Variants in PHF12 observed in about 807,000 individuals in gnomAD.
The protein encoded by PHF12 is PHD finger protein 12, also known as PHD factor 1.
PHF12 carries 6 observed loss-of-function variants against 99.8 expected under a neutral mutation model. That is an observed-to-expected ratio of 0.06 (90% CI 0.03 to 0.12). PHF12 has a LOEUF of 0.12. Ranked by LOEUF, PHF12 falls within the 10% of genes least tolerant of loss-of-function variation. PHF12 has a pLI of 1.00. For synonymous variants in PHF12, 480 were observed against 514.9 expected (o/e 0.93, Z 0.92); for missense variants, 954 against 1,300.1 (o/e 0.73, Z 4.09).
At chr17:28,923,651 C>CAAAAAAA (rs1491183033) in intron 4 of PHF12, among the ~76,000 whole-genome samples, 15 of 21,964 alleles carry the variant, frequency 6.8e-4, no homozygotes, top group African/African-American at 1.4e-3. Context: ...AAGTGAGACT[C>CAAAAAAA]ACAAAAAAAA....
chr17:28,943,988 T>C (rs1315783549), intron 2 of PHF12, among the ~76,000 whole-genome samples: 3 of 152,228 alleles, frequency 2.0e-5, no homozygotes, highest in African/African-American at 4.8e-5. Flanking sequence ...TTAGACAATT[T>C]ATTGAACATT....
chr17:28,914,043 C>G lies in PHF12; in HGVS notation c.1135-6G>C. ...GATTTTATAGCATCAGGAACCTGTT[C>G]AGGATAGATAGAAGGAGGAAGGAGA... On this transcript the variant is annotated splice_region_variant and splice_polypyrimidine_tract_variant and intron_variant, in intron 7 of 14. Coordinates refer to ENST00000332830, the MANE Select transcript of PHF12 (RefSeq NM_001033561.2). The G allele has an allele frequency of 1.3e-6, 2 of 1,595,678 alleles. No homozygotes were observed. Among genetic ancestry groups the G allele is most frequent in the Admixed American group, 3.4e-5 (2 of 59,566 alleles).
intron 2 of PHF12, among the ~76,000 whole-genome samples, chr17:28,946,907 T>C (rs891486044): frequency 1.3e-5 from 2 of 152,102 alleles, no homozygotes; most frequent in African/African-American, 4.8e-5. Context: ...AATAATTCAG[T>C]CTTAGCCAGT....
At chr17:28,942,722 A>G (rs1334591568) in intron 2 of PHF12, among the ~76,000 whole-genome samples, 1 of 152,124 alleles carries the variant, frequency 6.6e-6, no homozygotes, top group East Asian at 1.9e-4. Flanking sequence ...AGGCTGAGGC[A>G]GGAGAACCAC....
chr17:28,925,571 G>A (rs971401257), intron 3 of PHF12: 49 of 152,226 alleles, frequency 3.2e-4, no homozygotes, highest in African/African-American at 1.2e-3. Flanking sequence ...GAAGTGCCAT[G>A]TTAGAAAAGG....
chr17:28,949,771 C>T lies in PHF12; in HGVS notation c.248+294G>A, dbSNP rs1287840903. ...CCTCCCCTTCCTCCCCCGCCACTGC[C>T]GGCTGTCCCCGGCCGGCTCTGTCCC... On this transcript the variant is annotated intron_variant, in intron 2 of 14. Coordinates refer to ENST00000332830, the MANE Select transcript of PHF12 (RefSeq NM_001033561.2). This position sits in a 1 kb window ranked among gnomAD's most constrained non-coding sequence, Gnocchi z 4.6. 1.7e-5 allele frequency: 5 copies of T among 291,304 alleles called. No homozygotes were observed. The highest frequency in any genetic ancestry group is 2.5e-5 in the Non-Finnish European group (4 of 157,516). The allele number at this position is 291,304 out of a possible 1,614,324, so 18.0% of individuals were successfully genotyped here. A position where few individuals can be genotyped will look rare whatever the true frequency, so the allele number is the denominator to read the frequency against.
intron 11 of PHF12, 48 bp from the exon 12 acceptor site, chr17:28,908,929 T>A (rs780338513): frequency 6.5e-7 from 1 of 1,548,864 alleles, no homozygotes; most frequent in Non-Finnish European, 8.8e-7. Context: ...TCAGATCCTG[T>A]GATCCAAACA....
At chr17:28,948,283 A>G (rs1292467809) in intron 2 of PHF12, among the ~76,000 whole-genome samples, 2 of 152,016 alleles carry the variant, frequency 1.3e-5, no homozygotes, top group Non-Finnish European at 2.9e-5. Context: ...CATACCAAAC[A>G]AACACACTAA....
rs567133028 is a variant in PHF12, at chr17:28,922,809, A to C, written c.716-1001T>G. Among the ~76,000 whole-genome samples, 4 of 152,324 alleles carry C rather than the reference A, an allele frequency of 2.6e-5. No individual in the cohort carries two copies. In the South Asian group the frequency reaches 8.3e-4, roughly 32 times the overall value. ...TAAAAAAAGCAAGAAGGCCAGGCGC[A>C]GTGGCTCATGCCTATAATCCCAGCA... On this transcript the variant is annotated intron_variant, in intron 4 of 14. Coordinates refer to ENST00000332830, the MANE Select transcript of PHF12 (RefSeq NM_001033561.2).
chr17:28,916,282 C>T (rs541530834), intron 7 of PHF12, among the ~76,000 whole-genome samples: 2 of 152,268 alleles, frequency 1.3e-5, no homozygotes, highest in East Asian at 1.9e-4. Flanking sequence ...GCAACCTCCA[C>T]CTCCCAGGTT....
chr17:28,925,798 T>A lies in PHF12; in HGVS notation c.321+1193A>T, dbSNP rs374270643. 5 of 152,376 alleles carry A rather than the reference T, an allele frequency of 3.3e-5. 1 individual carries two copies. The highest frequency in any genetic ancestry group is 3.9e-4 in the East Asian group (2 of 5,192). The allele number at this position is 152,376 out of a possible 1,614,324, so 9.4% of individuals were successfully genotyped here. On this transcript the variant is annotated intron_variant, in intron 3 of 14. Coordinates refer to ENST00000332830, the MANE Select transcript of PHF12 (RefSeq NM_001033561.2). ...ATCCATCTATGGCTGGATGGATAGA[T>A]AATGGGATAACGTAATTAAAACACC...
At chr17:28,908,926 C>T (rs1255164800) in intron 11 of PHF12, 45 bp from the exon 12 acceptor site, 1 of 1,556,986 alleles carries the variant, frequency 6.4e-7, no homozygotes, top group South Asian at 1.1e-5. Flanking sequence ...AACTCAGATC[C>T]TGTGATCCAA....
chr17:28,926,491 C>T, intron 3 of PHF12: 1 of 261,544 alleles, frequency 3.8e-6, no homozygotes, highest in Non-Finnish European at 7.7e-6. Flanking sequence ...AAATAATAAA[C>T]CATGTTCTTG....
chr17:28,915,378 T>C (rs1389496340), intron 7 of PHF12, among the ~76,000 whole-genome samples: 2 of 151,758 alleles, frequency 1.3e-5, no homozygotes, highest in East Asian at 3.9e-4. Flanking sequence ...CAATAGGAGA[T>C]ACAGGAGGAA....
chr17:28,926,967 G>A, intron 3 of PHF12, 24 bp downstream of exon 3: 4 of 1,612,196 alleles, frequency 2.5e-6, no homozygotes, highest in Non-Finnish European at 2.5e-6. Context: ...TTTCTGGACA[G>A]TCTTCAGAAA....
chr17:28,928,969 G>A (rs1376165538), intron 2 of PHF12, among the ~76,000 whole-genome samples: 3 of 151,018 alleles, frequency 2.0e-5, no homozygotes, highest in Non-Finnish European at 3.0e-5. Context: ...AGTGGCACGC[G>A]CCTGTAGTCC....
chr17:28,917,186 G>A (rs2040076926), intron 7 of PHF12, 99 bp downstream of exon 7: 2 of 1,517,726 alleles, frequency 1.3e-6, no homozygotes, highest in Admixed American at 3.5e-5. Context: ...TATTTCTGGG[G>A]CTTCAGTTTC....
intron 2 of PHF12, chr17:28,945,086 C>T (rs1259228555): frequency 2.0e-5 from 3 of 152,144 alleles, no homozygotes; most frequent in African/African-American, 4.8e-5. Flanking sequence ...TAGTGAGACC[C>T]TATTTCTACA....
chr17:28,951,016 A>AG lies in PHF12; in HGVS notation c.-57dup, dbSNP rs2040801485. 2 of 1,605,076 alleles carry AG rather than the reference A, an allele frequency of 1.2e-6. No individual in the cohort carries two copies. Among genetic ancestry groups the AG allele is most frequent in the Non-Finnish European group, 8.5e-7 (1 of 1,175,106 alleles). Reference sequence around the variant, plus strand: ...CTCCGGCCCCCCCAACCCCGGGGGGAGGGGGGAGGTGAGGGGAGGGGGCGC... The same window carrying AG: ...CTCCGGCCCCCCCAACCCCGGGGGGAGGGGGGGAGGTGAGGGGAGGGGGCGC... On this transcript the variant is annotated 5_prime_UTR_variant, in exon 1 of 15. Coordinates refer to ENST00000332830, the MANE Select transcript of PHF12 (RefSeq NM_001033561.2).
Sources: gnomAD v4.1 joint callset for allele counts (sites outside exome capture counted in the v4.1 genomes callset) on GRCh38, gnomAD v4.1.1 for gene constraint, Gnocchi (gnomAD v3.1) non-coding constraint, MANE v1.5 for transcripts, NCBI Gene and HGNC (gene_info 2026-07-23, HGNC 2026-07-21) for gene names.